RBFOX1: variants seen among roughly 807,000 people sequenced by gnomAD.
The protein encoded by RBFOX1 is RNA binding fox-1 homolog 1, also known as RNA binding protein fox-1 homolog 1.
RBFOX1 carries 8 observed loss-of-function variants against 57.7 expected under a neutral mutation model. That is an observed-to-expected ratio of 0.14 (90% CI 0.08 to 0.25). The LOEUF is 0.25. Among genes scored for constraint, RBFOX1 ranks in the 10% least tolerant of loss-of-function variants. The probability of loss-of-function intolerance (pLI) is 1.00; values close to 1 mark genes in which losing one functional copy is unlikely to be tolerated. For synonymous variants in RBFOX1, 326 were observed against 222.4 expected, an observed-to-expected ratio of 1.47 and a Z score of -4.15; for missense variants, 611 against 548.5, an observed-to-expected ratio of 1.11 and a Z score of -1.14.
chr16:7,453,759 A>C (rs1001250910), intron 4 of RBFOX1, among the ~76,000 whole-genome samples: 1 of 152,200 alleles, frequency 6.6e-6, no homozygotes, highest in Non-Finnish European at 1.5e-5. Context: ...AAGTCATAGA[A>C]ACCACTGACT....
chr16:5,346,025 C>T (rs1030519339), intron 1 of RBFOX1, among the ~76,000 whole-genome samples: 1 of 152,210 alleles, frequency 6.6e-6, no homozygotes. Context: ...CAATCCCTTT[C>T]AGTATCTGTG....
At chr16:5,593,824 C>T (rs377124145) in intron 2 of RBFOX1, among the ~76,000 whole-genome samples, 2 of 152,148 alleles carry the variant, frequency 1.3e-5, no homozygotes, top group Admixed American at 6.6e-5. Context: ...ACTGTGGAGT[C>T]GCCCTGAATT....
chr16:5,714,764 T>G (rs1274833811), intron 3 of RBFOX1, among the ~76,000 whole-genome samples: 3 of 152,224 alleles, frequency 2.0e-5, no homozygotes, highest in Non-Finnish European at 4.4e-5. Flanking sequence ...ACTGAGTGAT[T>G]TATCACTATA....
At chr16:6,538,100 A>G (rs576488771) in intron 2 of RBFOX1, among the ~76,000 whole-genome samples, 61 of 152,126 alleles carry the variant, frequency 4.0e-4, no homozygotes, top group Non-Finnish European at 8.1e-4. Flanking sequence ...TGTGAATTGT[A>G]AACTGTACAA....
intron 1 of RBFOX1, among the ~76,000 whole-genome samples, chr16:5,306,088 C>A (rs2063925923): frequency 6.6e-6 from 1 of 152,018 alleles, no homozygotes; most frequent in Non-Finnish European, 1.5e-5. Flanking sequence ...GGAGTCCCAG[C>A]TACTTGGGAG....
At chr16:7,514,581 C>T (rs556814023) in intron 4 of RBFOX1, among the ~76,000 whole-genome samples, 1 of 152,238 alleles carries the variant, frequency 6.6e-6, no homozygotes, top group East Asian at 1.9e-4. Flanking sequence ...GACCAGGTTT[C>T]AGCATCAAGG....
At chr16:6,922,364 A>T (rs1412599926) in intron 3 of RBFOX1, among the ~76,000 whole-genome samples, 2 of 152,186 alleles carry the variant, frequency 1.3e-5, no homozygotes, top group Non-Finnish European at 1.5e-5. Flanking sequence ...GCCCCTTGCA[A>T]GCCCACTAAA....
intron 2 of RBFOX1, among the ~76,000 whole-genome samples, chr16:5,503,968 C>T (rs2151704833): frequency 6.6e-6 from 1 of 152,306 alleles, no homozygotes. Flanking sequence ...TGCTGAGGCT[C>T]AGCCATGCCC....
chr16:6,599,149 G>T (rs2097815594), intron 2 of RBFOX1, among the ~76,000 whole-genome samples: 1 of 152,120 alleles, frequency 6.6e-6, no homozygotes, highest in Admixed American at 6.5e-5. Flanking sequence ...CCATGTACTT[G>T]TACAAATTTT....
chr16:5,413,528 C>G (rs115067859), intron 1 of RBFOX1, among the ~76,000 whole-genome samples: 2,755 of 152,322 alleles, frequency 0.018, 97 homozygotes, highest in African/African-American at 0.061. Context: ...GATCATATAT[C>G]AGGGAGCTGT....
intron 3 of RBFOX1, among the ~76,000 whole-genome samples, chr16:6,855,569 C>T (rs918851057): frequency 6.7e-6 from 1 of 149,860 alleles, no homozygotes; most frequent in East Asian, 2.0e-4. Context: ...AGGAGAATGG[C>T]GTGAACCCGA....
At chr16:7,523,879 GCCT>G (rs1354191336) in intron 5 of RBFOX1, among the ~76,000 whole-genome samples, 1 of 152,148 alleles carries the variant, frequency 6.6e-6, no homozygotes, top group Non-Finnish European at 1.5e-5. Context: ...AATTGTCTCT[GCCT>G]CCTCCTACAT....
intron 2 of RBFOX1, among the ~76,000 whole-genome samples, chr16:6,539,554 T>G (rs993553460): frequency 6.6e-6 from 1 of 152,018 alleles, no homozygotes; most frequent in Non-Finnish European, 1.5e-5. Context: ...TCCCAGCACA[T>G]TGGGAGGCTG....
chr16:6,446,569 G>C (rs569995982), intron 2 of RBFOX1, among the ~76,000 whole-genome samples: 12 of 152,110 alleles, frequency 7.9e-5, no homozygotes, highest in African/African-American at 2.9e-4. Flanking sequence ...GGGACCCTAG[G>C]GGGCAGTGCT....
intron 3 of RBFOX1, among the ~76,000 whole-genome samples, chr16:6,779,771 ATATTTATATATATTTTTATATATACT>A (rs2080070798): frequency 3.2e-4 from 2 of 6,306 alleles, no homozygotes; most frequent in African/African-American, 1.9e-3. Flanking sequence ...ATTTATATAT[ATATTTATATATATTTTTATATATACT>A]TTTATATATT....
intron 2 of RBFOX1, among the ~76,000 whole-genome samples, chr16:5,573,161 A>G (rs2046342985): frequency 6.6e-6 from 1 of 152,210 alleles, no homozygotes. Flanking sequence ...TTGGGAGGAC[A>G]TAATGAAGAT....
chr16:5,825,415 C>G (rs2056002938), intron 3 of RBFOX1, among the ~76,000 whole-genome samples: 1 of 152,142 alleles, frequency 6.6e-6, no homozygotes, highest in African/African-American at 2.4e-5. Flanking sequence ...CAGAGCAGCA[C>G]CAGGAGTCAC....
intron 1 of RBFOX1, among the ~76,000 whole-genome samples, chr16:5,466,828 C>G (rs991975238): frequency 6.6e-6 from 1 of 152,168 alleles, no homozygotes; most frequent in African/African-American, 2.4e-5. Flanking sequence ...TCTTGTCATT[C>G]CACTCTCAGT....
At chr16:7,619,622 A>C (rs1431162245) in intron 10 of RBFOX1, among the ~76,000 whole-genome samples, 1 of 152,198 alleles carries the variant, frequency 6.6e-6, no homozygotes, top group Non-Finnish European at 1.5e-5. Context: ...ACAATAGAGA[A>C]GCCTGTCTAG....
Sources: allele counts gnomAD v4.1 joint callset (sites outside exome capture counted in the v4.1 genomes callset), GRCh38; gene constraint gnomAD v4.1.1; transcripts MANE v1.5; gene names NCBI Gene and HGNC (gene_info 2026-07-23, HGNC 2026-07-21).